TOMM5: variants seen among roughly 807,000 people sequenced by gnomAD.
The protein encoded by TOMM5 is translocase of outer mitochondrial membrane 5.
TOMM5 carries 1 observed loss-of-function variant against 4.8 expected under a neutral mutation model. The observed-to-expected ratio is 0.21, with a 90% CI of 0.07 to 0.99. TOMM5 has a LOEUF of 0.99. TOMM5 is among the 50% of genes least tolerant of loss of function. The pLI is 0.60. For missense variants in TOMM5, 60 were observed against 66.6 expected (o/e 0.90, Z 0.35); for synonymous variants, 26 against 26.7 (o/e 0.97, Z 0.08).
intron 1 of TOMM5, 124 bp from the exon 2 acceptor site, chr9:37,589,056 C>A: frequency 1.3e-6 from 1 of 780,928 alleles, no homozygotes; most frequent in East Asian, 2.6e-5. Flanking sequence ...AAGCATGTGC[C>A]TGTACAGCCC....
At chr9:37,589,766 C>T (rs564874371) in intron 1 of TOMM5, among the ~76,000 whole-genome samples, 8 of 152,110 alleles carry the variant, frequency 5.3e-5, no homozygotes, top group Non-Finnish European at 1.2e-4. Context: ...GAACAATCTG[C>T]CCGCCTCAGC....
At chr9:37,592,286 C>T (rs1263856281) in intron 1 of TOMM5, 126 bp downstream of exon 1, 1 of 1,557,620 alleles carries the variant, frequency 6.4e-7, no homozygotes, top group South Asian at 1.2e-5. Flanking sequence ...GCCTTCAACG[C>T]GCACCCTCCT....
intron 1 of TOMM5, among the ~76,000 whole-genome samples, chr9:37,589,613 C>T (rs1823070155): frequency 1.3e-5 from 2 of 152,092 alleles, no homozygotes; most frequent in Admixed American, 6.6e-5. Flanking sequence ...ATTTTGTTAA[C>T]ATTATTTTAT....
In TOMM5 at chr9:37,592,525, C is replaced by T; in HGVS notation, c.8G>A (p.Arg3Gln). 2 of 1,612,792 alleles carry T rather than the reference C, an allele frequency of 1.2e-6. No homozygotes were observed. The highest frequency in any genetic ancestry group is 1.7e-6 in the Non-Finnish European group (2 of 1,179,506). ...CAGCTTCGGCGCGAGGCCCTCAATC[C>T]GGAACATCGCGGCTCTGACTTAGCA... is the stretch of plus-strand genomic sequence containing the variant. The part of the protein sequence containing the change: MF[R>Q]IEGLAPKLDP... The change falls in exon 1 of 2, where the codon CGG (arginine) becomes CAG (glutamine). Residue 3 changes from arginine to glutamine, a missense_variant. Transcript: ENST00000321301.
intron 1 of TOMM5, among the ~76,000 whole-genome samples, chr9:37,591,836 G>GAA (rs1410622073): frequency 6.6e-6 from 1 of 152,114 alleles, no homozygotes. Context: ...CTTCCTTCTA[G>GAA]AACTATGGTT....
chr9:37,591,933 T>G (rs1033548284), intron 1 of TOMM5, among the ~76,000 whole-genome samples: 1 of 152,058 alleles, frequency 6.6e-6, no homozygotes, highest in Non-Finnish European at 1.5e-5. Flanking sequence ...CATTCTTTTT[T>G]TTGAGATGGA....
intron 1 of TOMM5, among the ~76,000 whole-genome samples, chr9:37,591,806 C>A (rs1823107425): frequency 6.6e-6 from 1 of 152,130 alleles, no homozygotes; most frequent in South Asian, 2.1e-4. Flanking sequence ...CTTTGGCCAG[C>A]CTTCCCAAGA....
chr9:37,592,576 C>A lies in TOMM5; in HGVS notation c.-44G>T, dbSNP rs543456661. 9 of 1,590,636 alleles carry A rather than the reference C, an allele frequency of 5.7e-6. No homozygotes were observed. Among genetic ancestry groups the A allele is most frequent in the African/African-American group, 5.4e-5 (4 of 74,498 alleles). ...GCTTCCAGCCGCCGCGCTCTGCTCT[C>A]CACGGTGGCCGCCTCGCGCCCGGAA... On this transcript the variant is annotated 5_prime_UTR_variant, in exon 1 of 2. Transcript: ENST00000321301.
intron 1 of TOMM5, among the ~76,000 whole-genome samples, chr9:37,589,358 TG>T (rs1823065234): frequency 6.6e-6 from 1 of 152,238 alleles, no homozygotes; most frequent in Non-Finnish European, 1.5e-5. Flanking sequence ...CCGGAAGAGC[TG>T]GACACCTATT....
Position 37,588,810 on chromosome 9 carries a change from C to T in TOMM5, c.*88G>A, listed in dbSNP as rs772998895. ...TTATGTCCATTCAAAGAGTCTCTTA[C>T]ACCTTTCTGGGCCTATTCACTTGCA... On this transcript the variant is annotated 3_prime_UTR_variant, in exon 2 of 2. Transcript: ENST00000321301. 4 of 1,328,170 alleles carry T rather than the reference C, an allele frequency of 3.0e-6. No individual in the cohort carries two copies. In the African/African-American group the frequency reaches 4.3e-5, roughly 14 times the overall value. The allele number at this position is 1,328,170 out of a possible 1,614,324, so 82.3% of individuals were successfully genotyped here. A position where few individuals can be genotyped will look rare whatever the true frequency, so the allele number is the denominator to read the frequency against.
chr9:37,590,615 A>T (rs1823085322), intron 1 of TOMM5, among the ~76,000 whole-genome samples: 1 of 152,244 alleles, frequency 6.6e-6, no homozygotes, highest in African/African-American at 2.4e-5. Flanking sequence ...GGTATATTGT[A>T]TAATATACAA....
intron 1 of TOMM5, among the ~76,000 whole-genome samples, chr9:37,591,552 C>T (rs1823101714): frequency 1.3e-5 from 2 of 151,780 alleles, no homozygotes; most frequent in Non-Finnish European, 2.9e-5. Flanking sequence ...ATTAGCCGGG[C>T]GTGGTGGCGC....
Position 37,588,674 on chromosome 9 carries a change from G to C in TOMM5, c.*224C>G. ...ATTGTCAGAGGCCAAACGTCACAGGGATAAGGGTACACCAGATCACGAGAC... is the reference window on the plus strand; with the variant it reads ...ATTGTCAGAGGCCAAACGTCACAGGCATAAGGGTACACCAGATCACGAGAC... On this transcript the variant is annotated 3_prime_UTR_variant, in exon 2 of 2. Transcript: ENST00000321301. The C allele has an allele frequency of 1.5e-6, 1 of 687,828 alleles. No individual in the cohort carries two copies. The highest frequency in any genetic ancestry group is 2.8e-5 in the East Asian group (1 of 36,296). The allele number at this position is 687,828 out of a possible 1,614,324, so 42.6% of individuals were successfully genotyped here. A position where few individuals can be genotyped will look rare whatever the true frequency, so the allele number is the denominator to read the frequency against.
chr9:37,591,231 T>C (rs1823094689), intron 1 of TOMM5, among the ~76,000 whole-genome samples: 1 of 152,192 alleles, frequency 6.6e-6, no homozygotes, highest in Non-Finnish European at 1.5e-5. Flanking sequence ...AGTAACTTCC[T>C]GTCAATTTTA....
At chr9:37,591,188 C>T (rs1436230653) in intron 1 of TOMM5, among the ~76,000 whole-genome samples, 2 of 152,172 alleles carry the variant, frequency 1.3e-5, no homozygotes, top group Non-Finnish European at 2.9e-5. Context: ...CCCTGCCTCC[C>T]TCAAAGGTCC....
At position 37,592,582 on chromosome 9, in the gene TOMM5, T is replaced by C. The variant is rs777544201; in HGVS notation, c.-50A>G. Reference sequence around the variant, plus strand: ...AGCCGCCGCGCTCTGCTCTCCACGGTGGCCGCCTCGCGCCCGGAACTCGGC... The same window carrying C: ...AGCCGCCGCGCTCTGCTCTCCACGGCGGCCGCCTCGCGCCCGGAACTCGGC... On this transcript the variant is annotated 5_prime_UTR_variant, in exon 1 of 2. Coordinates refer to ENST00000321301, the MANE Select transcript of TOMM5 (RefSeq NM_001001790.3). 1.5e-5 allele frequency: 24 copies of C among 1,585,800 alleles called. No individual in the cohort carries two copies. The South Asian group carries it at 2.3e-4, about 15-fold the overall frequency.
intron 1 of TOMM5, chr9:37,592,156 G>A (rs1823112848): frequency 2.8e-6 from 4 of 1,413,032 alleles, no homozygotes; most frequent in Non-Finnish European, 3.8e-6. Context: ...AACGCGCCCG[G>A]CAGCTCAAAC....
chr9:37,592,359 C>T (rs1446737347), intron 1 of TOMM5, 53 bp downstream of exon 1: 7 of 1,611,978 alleles, frequency 4.3e-6, no homozygotes, highest in Non-Finnish European at 5.9e-6. Context: ...TTAAGGGGTG[C>T]CCGTCGGTGA....
At chr9:37,589,734 C>G (rs1178363645) in intron 1 of TOMM5, among the ~76,000 whole-genome samples, 1 of 152,054 alleles carries the variant, frequency 6.6e-6, no homozygotes, top group African/African-American at 2.4e-5. Context: ...GTTGCCAAGG[C>G]TGGTCTTGAA....
Sources: gnomAD v4.1 joint callset for allele counts (sites outside exome capture counted in the v4.1 genomes callset) on GRCh38, gnomAD v4.1.1 for gene constraint, MANE v1.5 for transcripts, NCBI Gene and HGNC (gene_info 2026-07-23, HGNC 2026-07-21) for gene names.